SLC29A4: variants seen among roughly 807,000 people sequenced by gnomAD.
SLC29A4 encodes equilibrative nucleoside transporter 4.
Under a neutral mutation model 43.9 loss-of-function variants are expected in SLC29A4, and 36 were observed. The observed-to-expected ratio is 0.82, with a 90% confidence interval of 0.63 to 1.08. SLC29A4 has a LOEUF of 1.08. Among genes scored for constraint, SLC29A4 ranks in the 50% least tolerant of loss-of-function variants. The probability of loss-of-function intolerance (pLI) is 0.00; values close to 1 mark genes in which losing one functional copy is unlikely to be tolerated. For missense variants in SLC29A4, 869 were observed against 755.3 expected, an observed-to-expected ratio of 1.15 and a Z score of -1.77; for synonymous variants, 491 against 338.0, an observed-to-expected ratio of 1.45 and a Z score of -4.97.
rs748971391 is a variant in SLC29A4 at position 5,306,191 on chromosome 7, C to CTTTTTTTT, written c.*3270_*3277dup. On this transcript the variant is annotated 3_prime_UTR_variant, in exon 11 of 11. Transcript: ENST00000396872. ...TTTCTCATGTAAATTTGTTCAATTT[C>CTTTTTTTT]TTTTTTTTTTTTTTTTTTTTTTTTT... The CTTTTTTTT allele has an allele frequency of 2.8e-5, 2 of 71,106 alleles. No homozygotes were observed. 4.4% of individuals were successfully genotyped at this position (71,106 alleles called of 1,614,324 possible).
In SLC29A4 at chr7:5,296,954, T is replaced by G. The variant is rs1583669489; in HGVS notation, c.638T>G (p.Ile213Ser). Reference protein sequence around the residue: ...MTGESTAGVMISLSRILTKLL... With the variant: ...MTGESTAGVMSSLSRILTKLL... ...CCCCCAGGCACGGCGGGCGTGATGA[T>G]CTCTCTGAGCCGCATCCTCACGAAG... The change falls in exon 7 of 11, where the codon ATC (isoleucine) becomes AGC (serine). Residue 213 changes from isoleucine to serine, a missense_variant. Ile to Ser is a moderately radical substitution (Grantham distance 142). Transcript: ENST00000396872. The G allele has an allele frequency of 6.4e-7, 1 of 1,572,518 alleles. No homozygotes were observed. The highest frequency in any genetic ancestry group is 1.1e-5 in the South Asian group (1 of 89,508).
intron 10 of SLC29A4, among the ~76,000 whole-genome samples, chr7:5,301,831 A>C (rs960793173): frequency 6.6e-6 from 1 of 152,074 alleles, no homozygotes; most frequent in African/African-American, 2.4e-5. Flanking sequence ...GCACAGACTG[A>C]GATGGGAAGA....
rs2128094861 is a variant in SLC29A4, at chr7:5,306,049, A to T, written c.*3110A>T. 6.7e-6 allele frequency: 1 copy of T among 150,254 alleles called. No individual in the cohort carries two copies. The highest frequency in any genetic ancestry group is 2.1e-4 in the South Asian group (1 of 4,730). The allele number at this position is 150,254 out of a possible 1,614,324, so 9.3% of individuals were successfully genotyped here. ...TTTTTAGTAGAGATGGGGTTTCACCATATTGGCCAGGCTGGTCTTGAACTC... is the reference window on the plus strand; with the variant it reads ...TTTTTAGTAGAGATGGGGTTTCACCTTATTGGCCAGGCTGGTCTTGAACTC... On this transcript the variant is annotated 3_prime_UTR_variant, in exon 11 of 11. Transcript: ENST00000396872.
At chr7:5,293,097 G>C (rs1785416944) in intron 5 of SLC29A4, among the ~76,000 whole-genome samples, 1 of 148,746 alleles carries the variant, frequency 6.7e-6, no homozygotes, top group Non-Finnish European at 1.5e-5. Context: ...ACCCACCCCT[G>C]TGTTTCATGG....
intron 7 of SLC29A4, among the ~76,000 whole-genome samples, 172 bp from the exon 8 acceptor site, chr7:5,298,816 T>C (rs575100192): frequency 1.2e-4 from 18 of 152,104 alleles, no homozygotes; most frequent in African/African-American, 4.1e-4. Flanking sequence ...AAGAAAGAAA[T>C]GTGAAGTGAG....
At chr7:5,284,330 G>A (rs1431341640) in intron 1 of SLC29A4, among the ~76,000 whole-genome samples, 1 of 152,146 alleles carries the variant, frequency 6.6e-6, no homozygotes, top group Non-Finnish European at 1.5e-5. Context: ...CCTACTGTGT[G>A]CAGCTGAGCC....
Position 5,300,526 on chromosome 7 carries a change from C to T in SLC29A4, c.1314C>T (p.Ser438=), listed in dbSNP as rs375648004. ...IPLFILCVYP[S]GMPALRHPAW... ...TCTTCATCCTGTGCGTCTACCCCAG[C>T]GGCATGCCCGCCCTCCGTCACCCCG... Residue 438 remains serine, a synonymous_variant, in exon 10 of 11, where the codon AGC becomes AGT. Coordinates refer to ENST00000396872, the MANE Select transcript of SLC29A4 (RefSeq NM_153247.4). 1.9e-5 allele frequency: 30 copies of T among 1,612,096 alleles called. No homozygotes were observed. Among genetic ancestry groups the T allele is most frequent in the African/African-American group, 2.7e-5 (2 of 74,872 alleles).
intron 5 of SLC29A4, among the ~76,000 whole-genome samples, chr7:5,294,260 TAGAC>T (rs1170670569): frequency 6.6e-6 from 1 of 152,116 alleles, no homozygotes; most frequent in Non-Finnish European, 1.5e-5. Context: ...AGATTTTAGT[TAGAC>T]AAAGACTGCC....
intron 5 of SLC29A4, among the ~76,000 whole-genome samples, chr7:5,292,690 CTTTTTTTTTTTTTTT>C (rs1056329272): frequency 1.9e-4 from 13 of 67,404 alleles, no homozygotes; most frequent in South Asian, 7.3e-4. Context: ...CATTTTTTTC[CTTTTTTTTTTTTTTT>C]TTTTTTTTTT....
chr7:5,288,535 G>A (rs1200215511), intron 2 of SLC29A4, among the ~76,000 whole-genome samples: 12 of 151,694 alleles, frequency 7.9e-5, no homozygotes, highest in Admixed American at 2.6e-4. Flanking sequence ...CTCATGATCC[G>A]CCCGCCTCGG....
chr7:5,302,711 G>C, intron 10 of SLC29A4, 86 bp from the exon 11 acceptor site: 2 of 1,368,844 alleles, frequency 1.5e-6, no homozygotes, highest in Non-Finnish European at 2.0e-6. Context: ...GGTTCAGGCG[G>C]GTGTCACCGC....
intron 10 of SLC29A4, among the ~76,000 whole-genome samples, chr7:5,301,058 A>T (rs1435860505): frequency 2.0e-5 from 3 of 152,166 alleles, no homozygotes; most frequent in African/African-American, 7.2e-5. Context: ...CAGGAGTTAA[A>T]GACCAGCCTG....
rs1205948971 is a variant in SLC29A4, at chr7:5,306,867, A to AAAAG, written c.*3932_*3935dup. Reference sequence around the variant, plus strand: ...AGAATTTGCCAACAAACAAAATTCCAAAAGAAACATAAAAAAAAAAACCAA... The same window carrying AAAAG: ...AGAATTTGCCAACAAACAAAATTCCAAAAGAAAGAAACATAAAAAAAAAAACCAA... On this transcript the variant is annotated 3_prime_UTR_variant, in exon 11 of 11. Coordinates refer to ENST00000396872, the MANE Select transcript of SLC29A4 (RefSeq NM_153247.4). The AAAAG allele has an allele frequency of 8.9e-6, 1 of 112,594 alleles. No homozygotes were observed. Among genetic ancestry groups the AAAAG allele is most frequent in the Non-Finnish European group, 1.7e-5 (1 of 57,352 alleles). 7.0% of individuals were successfully genotyped at this position (112,594 alleles called of 1,614,324 possible). A position where few individuals can be genotyped will look rare whatever the true frequency, so the allele number is the denominator to read the frequency against.
In SLC29A4 at chr7:5,287,837, G is replaced by C. The variant is rs1488029016; in HGVS notation, c.21G>C (p.Gln7His). MGSVGS[Q>H]RLEEPSVAGT... ...CTGCCATGGGCTCCGTGGGGAGCCA[G>C]CGCCTTGAGGAGCCCAGCGTGGCAG... The change falls in exon 2 of 11, where the codon CAG becomes CAC. Residue 7 changes from glutamine (Q) to histidine (H), a missense_variant. Coordinates refer to ENST00000396872, the MANE Select transcript of SLC29A4 (RefSeq NM_153247.4). 3.7e-6 allele frequency: 6 copies of C among 1,611,524 alleles called. No homozygotes were observed. The African/African-American group carries it at 8.0e-5, about 22-fold the overall frequency.
intron 2 of SLC29A4, 58 bp downstream of exon 2, chr7:5,288,043 AC>A (rs1785071204): frequency 1.3e-6 from 2 of 1,532,712 alleles, no homozygotes; most frequent in South Asian, 2.5e-5. Context: ...GGGCTGTGTG[AC>A]CCCCAGTGAA....
chr7:5,287,874 C>A lies in SLC29A4; in HGVS notation c.58C>A (p.Pro20Thr). 6.2e-7 allele frequency: 1 copy of A among 1,611,968 alleles called. No homozygotes were observed. The highest frequency in any genetic ancestry group is 8.5e-7 in the Non-Finnish European group (1 of 1,179,846). ...GCCCAGCGTGGCAGGCACACCAGAC[C>A]CGGGCGTAGTGATGAGCTTCACCTT... ...EEPSVAGTPD[P>T]GVVMSFTFDS... The change falls in exon 2 of 11, where the codon CCG (proline) becomes ACG (threonine). Residue 20 changes from proline (P) to threonine (T), a missense_variant. Pro to Thr is a conservative substitution (Grantham distance 38, BLOSUM62 -1). Coordinates refer to ENST00000396872, the MANE Select transcript of SLC29A4 (RefSeq NM_153247.4).
intron 2 of SLC29A4, among the ~76,000 whole-genome samples, chr7:5,290,105 G>T (rs1171021449): frequency 2.0e-5 from 3 of 148,798 alleles, no homozygotes; most frequent in Non-Finnish European, 3.0e-5. Context: ...CCAGGTTGGA[G>T]TGCAGTGGCG....
At chr7:5,291,343 A>G (rs1484502245) in intron 4 of SLC29A4, 106 bp downstream of exon 4, 2 of 1,105,174 alleles carry the variant, frequency 1.8e-6, no homozygotes, top group Non-Finnish European at 2.6e-6. Context: ...TCGTCTGTAA[A>G]ATGGGCACAC....
In SLC29A4 at chr7:5,293,628, C is replaced by CA. The variant is rs905879683; in HGVS notation, c.545-1224dup. Among the ~76,000 whole-genome samples the CA allele has an allele frequency of 4.4e-3, 660 of 151,710 alleles. 6 individuals are homozygous for CA. The highest frequency in any genetic ancestry group is 0.015 in the African/African-American group (623 of 41,394). On this transcript the variant is annotated intron_variant, in intron 5 of 10. Coordinates refer to ENST00000396872, the MANE Select transcript of SLC29A4 (RefSeq NM_153247.4). ...ACTACTGTTCTGTTTTGTTAAAAAA[C>CA]AAAAAAAATGCTGTGACTAGATTTT...
Sources: allele counts gnomAD v4.1 joint callset (sites outside exome capture counted in the v4.1 genomes callset), GRCh38; gene constraint gnomAD v4.1.1; transcripts MANE v1.5; gene names NCBI Gene and HGNC (gene_info 2026-07-23, HGNC 2026-07-21).